Variants in ADAM18 observed in about 807,000 individuals in gnomAD.
ADAM18 encodes the protein disintegrin and metalloproteinase domain-containing protein 18.
ADAM18 carries 117 observed loss-of-function variants against 94.4 expected under a neutral mutation model. That is an observed-to-expected ratio of 1.24 (90% CI 1.07 to 1.45). ADAM18 has a LOEUF of 1.45. Ranked by LOEUF, ADAM18 falls within the 40% of genes most tolerant of loss-of-function variation. The pLI is 0.00. For missense variants in ADAM18, 936 were observed against 880.0 expected, an observed-to-expected ratio of 1.06 and a Z score of -0.81; for synonymous variants, 327 against 291.6, an observed-to-expected ratio of 1.12 and a Z score of -1.24.
intron 7 of ADAM18, among the ~76,000 whole-genome samples, chr8:39,634,997 G>A (rs1298956558): frequency 6.6e-6 from 1 of 152,086 alleles, no homozygotes; most frequent in Non-Finnish European, 1.5e-5. Flanking sequence ...TGGTATTAAG[G>A]AATGGGACCA....
At chr8:39,661,813 A>C (rs1820848567) in intron 12 of ADAM18, among the ~76,000 whole-genome samples, 1 of 152,086 alleles carries the variant, frequency 6.6e-6, no homozygotes, top group Non-Finnish European at 1.5e-5. Flanking sequence ...GAGTGGGTAC[A>C]AAACAGAGCT....
intron 12 of ADAM18, among the ~76,000 whole-genome samples, chr8:39,653,303 T>A (rs923070222): frequency 1.3e-5 from 2 of 152,028 alleles, no homozygotes; most frequent in Non-Finnish European, 2.9e-5. Flanking sequence ...TTTTAAAAAA[T>A]GTATTTTTAA....
chr8:39,634,846 G>T (rs537974165), intron 7 of ADAM18, among the ~76,000 whole-genome samples: 1 of 152,162 alleles, frequency 6.6e-6, no homozygotes, highest in Non-Finnish European at 1.5e-5. Context: ...AACAAGTTAG[G>T]ATTTTTTAGG....
chr8:39,585,533 C>T (rs1818372046), intron 2 of ADAM18, among the ~76,000 whole-genome samples, 181 bp downstream of exon 2: 1 of 152,102 alleles, frequency 6.6e-6, no homozygotes, highest in African/African-American at 2.4e-5. Flanking sequence ...GCTTATTTCC[C>T]TGTCTTTTCT....
intron 14 of ADAM18, among the ~76,000 whole-genome samples, chr8:39,675,999 C>G (rs2129580431): frequency 6.6e-6 from 1 of 152,306 alleles, no homozygotes; most frequent in African/African-American, 2.4e-5. Context: ...ATATTGCTGC[C>G]TGATCCTCCC....
chr8:39,729,770 C>T, intron 19 of ADAM18, 128 bp from the exon 20 acceptor site: 1 of 684,598 alleles, frequency 1.5e-6, no homozygotes, highest in Non-Finnish European at 2.4e-6. Flanking sequence ...CCAAACTTAT[C>T]TATAATAATC....
chr8:39,633,853 TG>T (rs1236448759), intron 7 of ADAM18, among the ~76,000 whole-genome samples: 1 of 139,366 alleles, frequency 7.2e-6, no homozygotes, highest in African/African-American at 2.7e-5. Flanking sequence ...AGGTGGGGGA[TG>T]GGGGGTTGGG....
intron 17 of ADAM18, among the ~76,000 whole-genome samples, chr8:39,693,673 C>G (rs956641745): frequency 6.6e-6 from 1 of 150,902 alleles, no homozygotes; most frequent in African/African-American, 2.4e-5. Flanking sequence ...TGTTTTACTT[C>G]TACTTTTTAG....
At chr8:39,658,369 T>A (rs1411325595) in intron 12 of ADAM18, among the ~76,000 whole-genome samples, 1 of 152,094 alleles carries the variant, frequency 6.6e-6, no homozygotes, top group Admixed American at 6.5e-5. Flanking sequence ...ATGCATCCAA[T>A]TGCTCAGATT....
intron 18 of ADAM18, among the ~76,000 whole-genome samples, chr8:39,710,270 C>T (rs554494053): frequency 6.6e-6 from 1 of 152,120 alleles, no homozygotes; most frequent in East Asian, 1.9e-4. Flanking sequence ...AGGTATTTGT[C>T]AACAAGTAAA....
At chr8:39,713,408 A>T (rs1390675370) in intron 18 of ADAM18, among the ~76,000 whole-genome samples, 1 of 152,222 alleles carries the variant, frequency 6.6e-6, no homozygotes. Flanking sequence ...AAACACGAAA[A>T]GCAATGGCAA....
At chr8:39,692,757 A>G (rs1237257114) in intron 17 of ADAM18, 77 bp downstream of exon 17, 5 of 1,218,032 alleles carry the variant, frequency 4.1e-6, no homozygotes, top group Non-Finnish European at 5.8e-6. Context: ...GAGGATTGAG[A>G]GTCTAGGTTG....
At position 39,613,461 on chromosome 8, in the gene ADAM18, A is replaced by G. The variant is rs1819341495; in HGVS notation, c.522+2755A>G. Among the ~76,000 whole-genome samples the G allele has an allele frequency of 2.6e-5, 4 of 152,282 alleles. No individual in the cohort carries two copies. The South Asian group carries it at 8.3e-4, about 32-fold the overall frequency. The stretch of plus-strand genomic sequence containing the variant: ...GGTCAAACTCTCAAAGCATCAAAGA[A>G]TATAAAAGCAAAAAGCCCCACCCAA... On this transcript the variant is annotated intron_variant, in intron 6 of 19. Coordinates refer to ENST00000265707, the MANE Select transcript of ADAM18 (RefSeq NM_014237.3).
At chr8:39,672,318 C>T (rs1318812085) in intron 14 of ADAM18, among the ~76,000 whole-genome samples, 4 of 152,170 alleles carry the variant, frequency 2.6e-5, no homozygotes, top group South Asian at 2.1e-4. Flanking sequence ...AATGCCACTA[C>T]ACTCACCGGT....
At chr8:39,710,335 G>A (rs1221081215) in intron 18 of ADAM18, among the ~76,000 whole-genome samples, 1 of 152,092 alleles carries the variant, frequency 6.6e-6, no homozygotes, top group African/African-American at 2.4e-5. Flanking sequence ...ATGTTTCTAA[G>A]GCAATATATA....
intron 16 of ADAM18, among the ~76,000 whole-genome samples, chr8:39,686,704 C>G (rs559717956): frequency 3.9e-5 from 6 of 152,020 alleles, no homozygotes; most frequent in Admixed American, 1.3e-4. Context: ...TTCTGACATA[C>G]GAAAAACAAC....
chr8:39,609,150 A>G, intron 4 of ADAM18, 30 bp downstream of exon 4: 2 of 1,362,816 alleles, frequency 1.5e-6, no homozygotes, highest in African/African-American at 1.5e-5. Flanking sequence ...TTTTTTTGTT[A>G]AAGTGGTTAT....
At chr8:39,660,219 TA>T (rs1396729677) in intron 12 of ADAM18, among the ~76,000 whole-genome samples, 1 of 152,018 alleles carries the variant, frequency 6.6e-6, no homozygotes, top group South Asian at 2.1e-4. Context: ...AAATAACAAC[TA>T]AAAAAATGGC....
chr8:39,604,032 A>T (rs956589235), intron 2 of ADAM18, among the ~76,000 whole-genome samples: 16 of 152,152 alleles, frequency 1.1e-4, no homozygotes, highest in African/African-American at 3.4e-4. Flanking sequence ...TATCATCTAT[A>T]ATTGATTCAT....
Sources: gnomAD v4.1 joint callset for allele counts (sites outside exome capture counted in the v4.1 genomes callset) on GRCh38, gnomAD v4.1.1 for gene constraint, MANE v1.5 for transcripts, NCBI Gene and HGNC (gene_info 2026-07-23, HGNC 2026-07-21) for gene names.